Variants in KSR2 observed in about 807,000 individuals in gnomAD.
The protein encoded by KSR2 is kinase suppressor of ras 2.
KSR2 carries 25 observed loss-of-function variants against 107.8 expected under a neutral mutation model. The ratio of observed to expected loss-of-function variants is 0.23; its 90% CI spans 0.17 to 0.32. KSR2 has a LOEUF of 0.32. Ranked by LOEUF, KSR2 falls within the 10% of genes least tolerant of loss-of-function variation. KSR2 has a pLI of 1.00. For missense variants in KSR2, 887 were observed against 1,268.9 expected, an observed-to-expected ratio of 0.70 and a Z score of 4.57; for synonymous variants, 480 against 507.0, an observed-to-expected ratio of 0.95 and a Z score of 0.71.
chr12:117,926,512 C>A (rs892333764), intron 1 of KSR2, among the ~76,000 whole-genome samples: 1 of 152,200 alleles, frequency 6.6e-6, no homozygotes, highest in Non-Finnish European at 1.5e-5. Flanking sequence ...ATGAGGAAAA[C>A]GGTTGGCCTC....
At chr12:117,824,652 C>G (rs540907787) in intron 3 of KSR2, among the ~76,000 whole-genome samples, 83 of 151,604 alleles carry the variant, frequency 5.5e-4, no homozygotes, top group African/African-American at 1.9e-3. Flanking sequence ...GTCAGGAGAT[C>G]GAGACCATCC....
chr12:117,824,005 C>T (rs1439136074), intron 3 of KSR2, among the ~76,000 whole-genome samples: 1 of 152,058 alleles, frequency 6.6e-6, no homozygotes, highest in Non-Finnish European at 1.5e-5. Flanking sequence ...AACCTAAGTA[C>T]CCATCAATGG....
intron 5 of KSR2, among the ~76,000 whole-genome samples, chr12:117,644,954 A>G (rs530577761): frequency 6.6e-6 from 1 of 152,276 alleles, no homozygotes; most frequent in African/African-American, 2.4e-5. Flanking sequence ...ACTCCGCTTG[A>G]TTGCAACCCA....
Position 117,527,043 on chromosome 12 carries a change from T to A in KSR2, c.1851+28A>T, listed in dbSNP as rs368630752. The stretch of plus-strand genomic sequence containing the variant: ...CAAGTTCTGGGCAGTCCCTGGAAAA[T>A]GTCGCTTCACTGCTCTCTGATTCTC... On this transcript the variant is annotated intron_variant, in intron 13 of 19. Transcript: ENST00000339824. The A allele has an allele frequency of 5.0e-6, 8 of 1,609,768 alleles. No homozygotes were observed. The East Asian group carries it at 1.6e-4, about 31-fold the overall frequency.
Position 117,464,270 on chromosome 12 carries a change from G to A in KSR2, c.*2929C>T, listed in dbSNP as rs1357611330. 6.6e-6 allele frequency: 1 copy of A among 152,206 alleles called. No individual in the cohort carries two copies. The allele number at this position is 152,206 out of a possible 1,614,324, so 9.4% of individuals were successfully genotyped here. On this transcript the variant is annotated 3_prime_UTR_variant, in exon 20 of 20. Coordinates refer to ENST00000339824, the MANE Select transcript of KSR2 (RefSeq NM_173598.6). ...CTGGTGAATCTTCACCCTGTGGACT[G>A]GTCCCCTCGGGAAGCCCATGTATAT...
intron 5 of KSR2, among the ~76,000 whole-genome samples, chr12:117,592,270 C>T (rs759852376): frequency 1.9e-4 from 29 of 151,874 alleles, no homozygotes; most frequent in Non-Finnish European, 3.4e-4. Flanking sequence ...CCCACAACCA[C>T]GACTGGCTAA....
chr12:117,474,124 T>C (rs889629818), intron 17 of KSR2, among the ~76,000 whole-genome samples: 2 of 152,178 alleles, frequency 1.3e-5, no homozygotes, highest in African/African-American at 4.8e-5. Context: ...AAAAGCCTCA[T>C]TAAAACTTCC....
At chr12:117,546,271 A>C (rs1022953661) in intron 9 of KSR2, among the ~76,000 whole-genome samples, 12 of 152,162 alleles carry the variant, frequency 7.9e-5, no homozygotes, top group African/African-American at 2.7e-4. Flanking sequence ...TTCTTTCAGC[A>C]CTTGAAAAAA....
chr12:117,904,072 A>C (rs943232328), intron 1 of KSR2, among the ~76,000 whole-genome samples: 1 of 152,222 alleles, frequency 6.6e-6, no homozygotes, highest in Non-Finnish European at 1.5e-5. Flanking sequence ...CTCTAAAAAA[A>C]AAATGAAGAA....
At chr12:117,966,851 G>A (rs558840793) in intron 1 of KSR2, among the ~76,000 whole-genome samples, 45 of 152,134 alleles carry the variant, frequency 3.0e-4, no homozygotes, top group South Asian at 1.0e-3. Context: ...GATTCACTAC[G>A]GACTGACGAG....
intron 5 of KSR2, among the ~76,000 whole-genome samples, chr12:117,604,570 C>G (rs1881127406): frequency 6.6e-6 from 1 of 152,066 alleles, no homozygotes; most frequent in Non-Finnish European, 1.5e-5. Context: ...ATGAAACAGA[C>G]AAGTTAGACA....
intron 3 of KSR2, among the ~76,000 whole-genome samples, chr12:117,844,659 A>C (rs1892632113): frequency 6.6e-6 from 1 of 152,108 alleles, no homozygotes; most frequent in African/African-American, 2.4e-5. Context: ...ATGAAGTAAC[A>C]TAAAGAAATA....
chr12:117,649,059 C>T (rs528240023), intron 5 of KSR2, among the ~76,000 whole-genome samples: 1 of 152,306 alleles, frequency 6.6e-6, no homozygotes, highest in African/African-American at 2.4e-5. Flanking sequence ...CACACACCTC[C>T]CAACAATCAA....
At position 117,867,611 on chromosome 12, in the gene KSR2, A is replaced by T. The variant is rs2137271996; in HGVS notation, c.181-7180T>A. ...TGGCTTGGACCCCTGTCATCTTCAT[A>T]AGAATGTGCCCAGGCTAGTCAGCTG... On this transcript the variant is annotated intron_variant, in intron 1 of 19. Transcript: ENST00000339824. Among the ~76,000 whole-genome samples, 3 of 152,270 alleles carry T rather than the reference A, an allele frequency of 2.0e-5. No individual in the cohort carries two copies. In the South Asian group the frequency reaches 6.2e-4, roughly 32 times the overall value.
At chr12:117,549,311 T>C (rs1256999388) in intron 9 of KSR2, among the ~76,000 whole-genome samples, 1 of 152,112 alleles carries the variant, frequency 6.6e-6, no homozygotes, top group African/African-American at 2.4e-5. Flanking sequence ...GGAGGCCAAT[T>C]ATATTACACG....
Position 117,735,300 on chromosome 12 carries a change from A to G in KSR2, c.986+25711T>C, listed in dbSNP as rs189035739. 2.5e-3 allele frequency among the ~76,000 whole-genome samples: 387 copies of G among 152,322 alleles called. 1 individual carries two copies. The highest frequency in any genetic ancestry group is 8.7e-3 in the African/African-American group (361 of 41,568). ...TTTTCCAGAAATGACACCACCCTCT[A>G]GAGTGAATAGATCTGGGGCATTTAA... On this transcript the variant is annotated intron_variant, in intron 4 of 19. Transcript: ENST00000339824.
rs572721870 is a variant in KSR2, at chr12:117,487,935, G to A, written c.2220-2244C>T. Reference sequence around the variant, plus strand: ...CAAATAACCCTGATATGGTTTGGCTGTGTCCCCACCCAAATCTCACCTTGA... The same window carrying A: ...CAAATAACCCTGATATGGTTTGGCTATGTCCCCACCCAAATCTCACCTTGA... On this transcript the variant is annotated intron_variant, in intron 14 of 19. Coordinates refer to ENST00000339824, the MANE Select transcript of KSR2 (RefSeq NM_173598.6). Among the ~76,000 whole-genome samples the A allele has an allele frequency of 3.3e-5, 5 of 152,292 alleles. No homozygotes were observed. The East Asian group carries it at 9.7e-4, about 29-fold the overall frequency.
chr12:117,520,659 T>C (rs955809648), intron 14 of KSR2, among the ~76,000 whole-genome samples: 1 of 152,208 alleles, frequency 6.6e-6, no homozygotes, highest in Non-Finnish European at 1.5e-5. Flanking sequence ...AGGCAAAATA[T>C]CTCCCTTTGT....
intron 1 of KSR2, among the ~76,000 whole-genome samples, chr12:117,950,199 CCTGA>C (rs1243881149): frequency 6.6e-6 from 1 of 151,968 alleles, no homozygotes; most frequent in African/African-American, 2.4e-5. Context: ...GTCTCGAACT[CCTGA>C]GATCAGGCAA....
Sources: allele counts gnomAD v4.1 joint callset (sites outside exome capture counted in the v4.1 genomes callset), GRCh38; gene constraint gnomAD v4.1.1; transcripts MANE v1.5; gene names NCBI Gene and HGNC (gene_info 2026-07-23, HGNC 2026-07-21).